The following EDARADD variants were observed in gnomAD, a reference collection of about 807,000 sequenced individuals.
The protein encoded by EDARADD is EDAR associated via death domain.
EDARADD carries 20 observed loss-of-function variants against 25.6 expected under a neutral mutation model. The ratio of observed to expected loss-of-function variants is 0.78; its 90% confidence interval spans 0.55 to 1.14. The LOEUF is 1.14. EDARADD is among the 50% of genes most tolerant of loss of function. The pLI is 0.00. For synonymous variants in EDARADD, 86 were observed against 94.4 expected (o/e 0.91, Z 0.52); for missense variants, 225 against 270.1 (o/e 0.83, Z 1.17).
At position 236,483,749 on chromosome 1, in the gene EDARADD, C is replaced by G; in HGVS notation, c.*1100C>G. On this transcript the variant is annotated 3_prime_UTR_variant, in exon 6 of 6. Transcript: ENST00000334232. Reference sequence around the variant, plus strand: ...AGGTTTACCACAGCCTGAAGAATGTCATCAAGGAGAAATATGGGAAAGATG... The same window carrying G: ...AGGTTTACCACAGCCTGAAGAATGTGATCAAGGAGAAATATGGGAAAGATG... The G allele has an allele frequency of 5.3e-6, 8 of 1,503,388 alleles. No homozygotes were observed. The highest frequency in any genetic ancestry group is 7.4e-6 in the Non-Finnish European group (8 of 1,081,166). The allele number at this position is 1,503,388 out of a possible 1,614,324, so 93.1% of individuals were successfully genotyped here.
intron 3 of EDARADD, among the ~76,000 whole-genome samples, chr1:236,373,002 G>T (rs376620544): frequency 7.3e-6 from 1 of 137,160 alleles, no homozygotes; most frequent in Non-Finnish European, 1.5e-5. Context: ...TGCAAGCTCC[G>T]CCTCCCGGGT....
intron 4 of EDARADD, among the ~76,000 whole-genome samples, chr1:236,428,833 C>T (rs1469559549): frequency 2.6e-5 from 4 of 152,098 alleles, no homozygotes; most frequent in Non-Finnish European, 5.9e-5. Flanking sequence ...CACTGCACTC[C>T]AGCCTGGGCA....
In EDARADD at chr1:236,369,667, C is replaced by T. The variant is rs562644164; in HGVS notation, c.-6+18828C>T. 1.1e-4 allele frequency among the ~76,000 whole-genome samples: 16 copies of T among 152,062 alleles called. No individual in the cohort carries two copies. The East Asian group carries it at 2.9e-3, about 28-fold the overall frequency. On this transcript the variant is annotated intron_variant, in intron 3 of 7. Transcript: ENST00000439430. ...GACCAGCCTCAACATGGAGAGACCC[C>T]GTCTCTACTAAAAATACAAAATTAG...
chr1:236,384,405 A>AT (rs1667331225), intron 3 of EDARADD, among the ~76,000 whole-genome samples: 1 of 152,082 alleles, frequency 6.6e-6, no homozygotes, highest in East Asian at 1.9e-4. Context: ...ACCTTTTTCA[A>AT]TTTTTTTGTT....
In EDARADD at chr1:236,366,928, T is replaced by C. The variant is rs182659249; in HGVS notation, c.-6+16089T>C. ...CCCATCACTACTAAAAATACAAAAA[T>C]TAGCCGGGCATGGTGGCACGCACCA... is the stretch of plus-strand genomic sequence containing the variant. On this transcript the variant is annotated intron_variant, in intron 3 of 7. Coordinates refer to the EDARADD transcript ENST00000439430. Among the ~76,000 whole-genome samples the C allele has an allele frequency of 3.7e-3, 564 of 151,706 alleles. 5 individuals are homozygous for C. The highest frequency in any genetic ancestry group is 0.013 in the African/African-American group (543 of 41,374).
intron 3 of EDARADD, among the ~76,000 whole-genome samples, chr1:236,425,738 A>G (rs1264453962): frequency 6.6e-6 from 1 of 152,228 alleles, no homozygotes; most frequent in Non-Finnish European, 1.5e-5. Flanking sequence ...TCAGTTCACA[A>G]CAGTTTTCAT....
At chr1:236,453,590 A>G (rs1414270594) in intron 4 of EDARADD, among the ~76,000 whole-genome samples, 1 of 152,006 alleles carries the variant, frequency 6.6e-6, no homozygotes, top group Non-Finnish European at 1.5e-5. Context: ...TTCTAATACC[A>G]TGTTTTTACT....
intron 3 of EDARADD, among the ~76,000 whole-genome samples, chr1:236,367,145 T>G (rs1212039085): frequency 1.5e-5 from 1 of 65,712 alleles, no homozygotes; most frequent in Non-Finnish European, 3.0e-5. Flanking sequence ...ATCTTCCCTG[T>G]TTTTTGGGTT....
chr1:236,411,882 T>C (rs897803766), intron 2 of EDARADD, among the ~76,000 whole-genome samples: 1 of 152,144 alleles, frequency 6.6e-6, no homozygotes, highest in African/African-American at 2.4e-5. Flanking sequence ...ACCAATCATA[T>C]TGGGTCAAGG....
At position 236,484,543 on chromosome 1, in the gene EDARADD, C is replaced by G; in HGVS notation, c.*1894C>G. 7.9e-7 allele frequency: 1 copy of G among 1,263,964 alleles called. No individual in the cohort carries two copies. The allele number at this position is 1,263,964 out of a possible 1,614,324, so 78.3% of individuals were successfully genotyped here. A position where few individuals can be genotyped will look rare whatever the true frequency, so the allele number is the denominator to read the frequency against. ...TCCCCTTGTGTCAACTCCGGCAGCTCAAGACCCCCGAGCAACATTTGTAGG... is the reference window on the plus strand; with the variant it reads ...TCCCCTTGTGTCAACTCCGGCAGCTGAAGACCCCCGAGCAACATTTGTAGG... On this transcript the variant is annotated 3_prime_UTR_variant, in exon 6 of 6. Coordinates refer to ENST00000334232, the MANE Select transcript of EDARADD (RefSeq NM_145861.4). The surrounding 1 kb of genome is among the most constrained non-coding windows in gnomAD (Gnocchi z 4.1).
chr1:236,394,298 A>C lies in EDARADD; in HGVS notation c.-147A>C. 1.2e-6 allele frequency: 1 copy of C among 834,032 alleles called. No homozygotes were observed. The highest frequency in any genetic ancestry group is 1.5e-5 in the South Asian group (1 of 66,936). The allele number at this position is 834,032 out of a possible 1,614,324, so 51.7% of individuals were successfully genotyped here. On this transcript the variant is annotated 5_prime_UTR_variant, in exon 1 of 6. Transcript: ENST00000334232. Reference sequence around the variant, plus strand: ...CCTATCCGAAGGCAGACCAAGAGGAAGTTTATCCTCCCACCTACAAATTCC... The same window carrying C: ...CCTATCCGAAGGCAGACCAAGAGGACGTTTATCCTCCCACCTACAAATTCC...
intron 4 of EDARADD, among the ~76,000 whole-genome samples, chr1:236,446,556 A>G (rs77649418): frequency 4.4e-4 from 3 of 6,894 alleles, no homozygotes; most frequent in Non-Finnish European, 3.1e-3. Context: ...CATCTCAAGA[A>G]AAAAAAAAAG....
chr1:236,404,047 G>A (rs1256271799), intron 1 of EDARADD, among the ~76,000 whole-genome samples: 2 of 152,182 alleles, frequency 1.3e-5, no homozygotes, highest in Admixed American at 6.6e-5. Context: ...GCAGCCATGA[G>A]CAGAGGACAG....
intron 4 of EDARADD, among the ~76,000 whole-genome samples, chr1:236,439,111 T>C (rs1219491908): frequency 6.6e-6 from 1 of 152,252 alleles, no homozygotes; most frequent in Non-Finnish European, 1.5e-5. Context: ...CTATGTAACC[T>C]TTTCAGATTG....
At chr1:236,480,688 T>G (rs929279043) in intron 5 of EDARADD, among the ~76,000 whole-genome samples, 1 of 152,206 alleles carries the variant, frequency 6.6e-6, no homozygotes, top group African/African-American at 2.4e-5. Context: ...AAATCTGAAT[T>G]CAGAGGGTTC....
chr1:236,413,872 T>G (rs1010127046), intron 2 of EDARADD, among the ~76,000 whole-genome samples: 1 of 152,172 alleles, frequency 6.6e-6, no homozygotes. Context: ...CCAGAACACA[T>G]GCTTATTGAC....
intron 4 of EDARADD, among the ~76,000 whole-genome samples, chr1:236,454,205 C>T (rs571542491): frequency 1.6e-4 from 24 of 152,168 alleles, no homozygotes; most frequent in Non-Finnish European, 3.2e-4. Context: ...GCTACCACAC[C>T]TGGCTAACTT....
At chr1:236,422,177 A>G (rs975922060) in intron 3 of EDARADD, among the ~76,000 whole-genome samples, 4 of 152,214 alleles carry the variant, frequency 2.6e-5, no homozygotes, top group Admixed American at 2.0e-4. Flanking sequence ...ATGCCTCTCA[A>G]TCGAACCTGC....
chr1:236,404,911 T>C (rs1667679220), intron 1 of EDARADD, among the ~76,000 whole-genome samples: 1 of 152,132 alleles, frequency 6.6e-6, no homozygotes, highest in Non-Finnish European at 1.5e-5. Context: ...TGGTCCAACA[T>C]GGGGAAACCC....
Sources: gnomAD v4.1 joint callset for allele counts (sites outside exome capture counted in the v4.1 genomes callset) on GRCh38, gnomAD v4.1.1 for gene constraint, Gnocchi (gnomAD v3.1) non-coding constraint, MANE v1.5 for transcripts, NCBI Gene and HGNC (gene_info 2026-07-23, HGNC 2026-07-21) for gene names.